Variants in THSD7B observed in about 807,000 individuals in gnomAD.
THSD7B encodes the protein thrombospondin type-1 domain-containing protein 7B.
THSD7B carries 138 observed loss-of-function variants against 213.6 expected under a neutral mutation model. That is an observed-to-expected ratio of 0.65 (90% CI 0.56 to 0.74). The LOEUF (loss-of-function observed/expected upper bound fraction) is 0.74. THSD7B is among the 30% of genes least tolerant of loss of function. The pLI is 0.00. For synonymous variants in THSD7B, 742 were observed against 687.0 expected, an observed-to-expected ratio of 1.08 and a Z score of -1.25; for missense variants, 1,931 against 1,991.5, an observed-to-expected ratio of 0.97 and a Z score of 0.58.
At chr2:137,119,062 T>C (rs1966674) in intron 5 of THSD7B, among the ~76,000 whole-genome samples, 121,242 of 152,120 alleles carry the variant, frequency 0.8, 48,800 homozygotes, top group Non-Finnish European at 0.85. Context: ...ATGGGAGGTA[T>C]AATTCAAGAT....
chr2:137,433,159 C>T (rs535354062), intron 14 of THSD7B, among the ~76,000 whole-genome samples: 15 of 152,012 alleles, frequency 9.9e-5, no homozygotes, highest in African/African-American at 2.4e-4. Flanking sequence ...AGGAGCAGGG[C>T]GCTGTAAGAT....
Position 137,134,314 on chromosome 2 carries a change from T to C in THSD7B, c.1369+19021T>C, listed in dbSNP as rs529241368. ...CACTGAGTTTTAATTTTTTTTCATA[T>C]GTTCTTGTTTTCTTATGGTATCCTT... On this transcript the variant is annotated intron_variant, in intron 5 of 27. Coordinates refer to ENST00000409968, the MANE Select transcript of THSD7B (RefSeq NM_001316349.2). 3.9e-5 allele frequency among the ~76,000 whole-genome samples: 6 copies of C among 152,292 alleles called. No homozygotes were observed. In the South Asian group the frequency reaches 1.0e-3, roughly 26 times the overall value.
intron 12 of THSD7B, among the ~76,000 whole-genome samples, chr2:137,382,085 T>A (rs1161186261): frequency 1.3e-5 from 2 of 152,154 alleles, no homozygotes; most frequent in Non-Finnish European, 2.9e-5. Context: ...ACTTGACGAT[T>A]GAATTGGGAC....
chr2:136,935,053 G>T (rs1361928741), intron 2 of THSD7B, among the ~76,000 whole-genome samples: 1 of 152,106 alleles, frequency 6.6e-6, no homozygotes, highest in Non-Finnish European at 1.5e-5. Context: ...TGGTATTTAT[G>T]AGGAGTTTGA....
At chr2:136,939,878 G>A (rs1035240937) in intron 2 of THSD7B, among the ~76,000 whole-genome samples, 4 of 151,802 alleles carry the variant, frequency 2.6e-5, no homozygotes, top group South Asian at 2.1e-4. Flanking sequence ...ACCACCCCCC[G>A]ACACACACCA....
chr2:136,826,079 A>C (rs554561122), intron 1 of THSD7B, among the ~76,000 whole-genome samples: 6 of 152,302 alleles, frequency 3.9e-5, no homozygotes, highest in East Asian at 1.9e-4. Flanking sequence ...TGACAGATTG[A>C]AAAAGGACTC....
intron 4 of THSD7B, 110 bp downstream of exon 4, chr2:137,095,231 A>G: frequency 7.1e-7 from 1 of 1,417,200 alleles, no homozygotes; most frequent in Non-Finnish European, 9.5e-7. Context: ...GTCTTCACTC[A>G]GTATACAAGT....
chr2:136,786,783 T>C (rs1218067305), intron 1 of THSD7B, among the ~76,000 whole-genome samples: 1 of 152,206 alleles, frequency 6.6e-6, no homozygotes, highest in African/African-American at 2.4e-5. Flanking sequence ...GTGTGTAGGC[T>C]TGTTTTGGCA....
intron 2 of THSD7B, among the ~76,000 whole-genome samples, chr2:136,957,478 T>C (rs1235267015): frequency 6.6e-6 from 1 of 151,768 alleles, no homozygotes; most frequent in Non-Finnish European, 1.5e-5. Context: ...TCAATTATTA[T>C]CATAATAATT....
chr2:137,149,545 C>A (rs1679772902), intron 5 of THSD7B, among the ~76,000 whole-genome samples: 1 of 152,210 alleles, frequency 6.6e-6, no homozygotes, highest in Non-Finnish European at 1.5e-5. Flanking sequence ...ACTGTGAGGG[C>A]AGCCAGGAGG....
intron 17 of THSD7B, among the ~76,000 whole-genome samples, chr2:137,579,689 C>G (rs1357669074): frequency 6.6e-6 from 1 of 152,064 alleles, no homozygotes; most frequent in African/African-American, 2.4e-5. Context: ...AATTCCTAGT[C>G]TTTTGAGGCT....
chr2:137,256,862 A>G (rs572405555), intron 10 of THSD7B, among the ~76,000 whole-genome samples: 1 of 152,306 alleles, frequency 6.6e-6, no homozygotes, highest in Admixed American at 6.5e-5. Context: ...TTATAACAAA[A>G]TACTTGAAAC....
Position 136,880,424 on chromosome 2 carries a change from A to G in THSD7B, c.-35-1720A>G, listed in dbSNP as rs191390548. Among the ~76,000 whole-genome samples, 6 of 152,214 alleles carry G rather than the reference A, an allele frequency of 3.9e-5. No individual in the cohort carries two copies. The East Asian group carries it at 1.2e-3, about 29-fold the overall frequency. Reference sequence around the variant, plus strand: ...CAGTACCTATATCTTTTTATTTTTCATAATACATATATTGCGGTAAGTTAT... The same window carrying G: ...CAGTACCTATATCTTTTTATTTTTCGTAATACATATATTGCGGTAAGTTAT... On this transcript the variant is annotated intron_variant, in intron 1 of 27. Coordinates refer to ENST00000409968, the MANE Select transcript of THSD7B (RefSeq NM_001316349.2).
chr2:137,496,415 C>T (rs2122124), intron 15 of THSD7B, among the ~76,000 whole-genome samples: 151,741 of 152,262 alleles, frequency 1, 75,615 homozygotes, highest in Middle Eastern at 1. Flanking sequence ...TGCGCTCTTA[C>T]CCCAAATTTT....
chr2:137,462,554 C>T (rs1005812026), intron 15 of THSD7B, among the ~76,000 whole-genome samples: 2 of 152,026 alleles, frequency 1.3e-5, no homozygotes, highest in Non-Finnish European at 2.9e-5. Flanking sequence ...CCTGATTCAT[C>T]CTTTTAAAAC....
At chr2:136,778,151 C>T (rs1473459495) in intron 1 of THSD7B, among the ~76,000 whole-genome samples, 1 of 152,170 alleles carries the variant, frequency 6.6e-6, no homozygotes, top group African/African-American at 2.4e-5. Flanking sequence ...TCTACATTTG[C>T]TTTCACCCTC....
chr2:137,105,724 T>A (rs1688235321), intron 4 of THSD7B, among the ~76,000 whole-genome samples: 2 of 152,172 alleles, frequency 1.3e-5, no homozygotes, highest in Non-Finnish European at 2.9e-5. Flanking sequence ...ACAAAATCAA[T>A]GTGCAAAAAT....
chr2:137,546,415 T>TAA (rs1558834318), intron 15 of THSD7B, among the ~76,000 whole-genome samples: 4 of 25,528 alleles, frequency 1.6e-4, no homozygotes, highest in Admixed American at 1.2e-3. Context: ...TATATATATA[T>TAA]TATATATATT....
At chr2:137,633,915 A>C (rs1682787031) in intron 20 of THSD7B, among the ~76,000 whole-genome samples, 1 of 152,180 alleles carries the variant, frequency 6.6e-6, no homozygotes, top group South Asian at 2.1e-4. Flanking sequence ...CCTTAAACAC[A>C]GAAATATATA....
Sources: gnomAD v4.1 joint callset for allele counts (sites outside exome capture counted in the v4.1 genomes callset) on GRCh38, gnomAD v4.1.1 for gene constraint, MANE v1.5 for transcripts, NCBI Gene and HGNC (gene_info 2026-07-23, HGNC 2026-07-21) for gene names.